The following PLAG1 variants were observed in gnomAD, a reference collection of about 807,000 sequenced individuals.
The protein encoded by PLAG1 is zinc finger protein PLAG1.
Under a neutral mutation model 35.5 loss-of-function variants are expected in PLAG1, and 7 were observed. That is an observed-to-expected ratio of 0.20 (90% CI 0.11 to 0.37). The LOEUF is 0.37. Ranked by LOEUF, PLAG1 falls within the 10% of genes least tolerant of loss-of-function variation. The pLI is 1.00. For missense variants in PLAG1, 454 were observed against 602.8 expected (o/e 0.75, Z 2.58); for synonymous variants, 229 against 225.4 (o/e 1.02, Z -0.14).
chr8:56,204,728 T>C (rs1812650596), intron 1 of PLAG1, among the ~76,000 whole-genome samples: 1 of 151,884 alleles, frequency 6.6e-6, no homozygotes, highest in Admixed American at 6.6e-5. Context: ...AATCAATATA[T>C]ATATGTGCAA....
chr8:56,190,938 A>C (rs1293372322), intron 1 of PLAG1, among the ~76,000 whole-genome samples: 2 of 152,156 alleles, frequency 1.3e-5, no homozygotes, highest in African/African-American at 4.8e-5. Flanking sequence ...ATTCCAGCAG[A>C]GGAAATAGCA....
chr8:56,198,899 AT>A (rs1227622052), intron 1 of PLAG1, among the ~76,000 whole-genome samples: 15 of 152,190 alleles, frequency 9.9e-5, no homozygotes, highest in African/African-American at 3.6e-4. Flanking sequence ...AGTACCCAGC[AT>A]GGTACTTGAC....
At position 56,185,806 on chromosome 8, in the gene PLAG1, A is replaced by G. The variant is rs1179742425; in HGVS notation, c.-321-6293T>C. ...GATAAATAGTTCTGGGATACGTTCC[A>G]TTTATCAAATACCAAAGGAAGTACC... On this transcript the variant is annotated intron_variant, in intron 1 of 4. Transcript: ENST00000316981. Among the ~76,000 whole-genome samples the G allele has an allele frequency of 2.0e-5, 3 of 152,210 alleles. No homozygotes were observed. The East Asian group carries it at 5.8e-4, about 29-fold the overall frequency.
At chr8:56,168,924 G>GA (rs780049793) in intron 3 of PLAG1, among the ~76,000 whole-genome samples, 2 of 152,162 alleles carry the variant, frequency 1.3e-5, no homozygotes, top group Non-Finnish European at 2.9e-5. Flanking sequence ...CTAGAGGCCT[G>GA]AAAGAGTTGA....
chr8:56,181,084 T>A (rs1811851495), intron 1 of PLAG1, among the ~76,000 whole-genome samples: 1 of 152,162 alleles, frequency 6.6e-6, no homozygotes, highest in South Asian at 2.1e-4. Context: ...CTGGAGAGGA[T>A]GTGGAGAAAT....
chr8:56,170,673 A>G (rs1456646008), intron 3 of PLAG1, among the ~76,000 whole-genome samples: 1 of 152,234 alleles, frequency 6.6e-6, no homozygotes, highest in Non-Finnish European at 1.5e-5. Context: ...AAATCCAACC[A>G]TAATGGGCAA....
At chr8:56,182,007 A>T (rs955900223) in intron 1 of PLAG1, among the ~76,000 whole-genome samples, 5 of 152,254 alleles carry the variant, frequency 3.3e-5, no homozygotes, top group African/African-American at 1.2e-4. Context: ...ACAGATGATT[A>T]GATTCTAAGA....
At chr8:56,192,819 G>A (rs776952733) in intron 1 of PLAG1, among the ~76,000 whole-genome samples, 22 of 152,140 alleles carry the variant, frequency 1.4e-4, no homozygotes, top group Admixed American at 5.2e-4. Flanking sequence ...ACCTTACAGA[G>A]CGTGTAAAGA....
chr8:56,170,757 C>T (rs542194690), intron 3 of PLAG1, among the ~76,000 whole-genome samples: 102 of 152,144 alleles, frequency 6.7e-4, no homozygotes, highest in African/African-American at 2.4e-3. Context: ...ATGCAATATA[C>T]AAACATTTGA....
intron 2 of PLAG1, among the ~76,000 whole-genome samples, chr8:56,174,910 A>C (rs1563377697): frequency 6.6e-6 from 1 of 152,202 alleles, no homozygotes; most frequent in Non-Finnish European, 1.5e-5. Context: ...TCATGGCAGG[A>C]TGTGCATAGG....
chr8:56,171,176 C>G lies in PLAG1; in HGVS notation c.-203G>C. 1 of 969,960 alleles carries G rather than the reference C, an allele frequency of 1.0e-6. No individual in the cohort carries two copies. Among genetic ancestry groups the G allele is most frequent in the Non-Finnish European group, 1.2e-6 (1 of 815,606 alleles). The allele number at this position is 969,960 out of a possible 1,614,324, so 60.1% of individuals were successfully genotyped here. A position where few individuals can be genotyped will look rare whatever the true frequency, so the allele number is the denominator to read the frequency against. ...GGAAGAGAGTGGAATCCAATCCTTC[C>G]CATTTTGGCCAATCTATGAAAAAAA... is the stretch of plus-strand genomic sequence containing the variant. On this transcript the variant is annotated 5_prime_UTR_variant, in exon 3 of 5. Coordinates refer to ENST00000316981, the MANE Select transcript of PLAG1 (RefSeq NM_002655.3).
At chr8:56,190,490 GA>G (rs1812150495) in intron 1 of PLAG1, among the ~76,000 whole-genome samples, 1 of 152,182 alleles carries the variant, frequency 6.6e-6, no homozygotes, top group Admixed American at 6.5e-5. Context: ...TAGTAAAATT[GA>G]AAAGAACTAT....
intron 3 of PLAG1, among the ~76,000 whole-genome samples, chr8:56,168,920 G>A (rs1424077302): frequency 1.3e-5 from 2 of 152,146 alleles, no homozygotes; most frequent in Non-Finnish European, 2.9e-5. Flanking sequence ...GACACTAGAG[G>A]CCTGAAAGAG....
chr8:56,179,290 G>A (rs1811798541), intron 2 of PLAG1, 119 bp downstream of exon 2: 1 of 154,030 alleles, frequency 6.5e-6, no homozygotes, highest in Non-Finnish European at 1.4e-5. Flanking sequence ...GATTGTAAGT[G>A]GCATGCTTAT....
intron 1 of PLAG1, among the ~76,000 whole-genome samples, chr8:56,206,585 C>T (rs1812708433): frequency 1.3e-5 from 2 of 152,048 alleles, no homozygotes; most frequent in South Asian, 4.1e-4. Context: ...TGCATGAATT[C>T]TAAAATCAGG....
Position 56,167,191 on chromosome 8 carries a change from G to T in PLAG1, c.555C>A (p.His185Gln), listed in dbSNP as rs371844674. 7 of 1,613,546 alleles carry T rather than the reference G, an allele frequency of 4.3e-6. No individual in the cohort carries two copies. The African/African-American group carries it at 9.4e-5, about 22-fold the overall frequency. Residue 185 changes from histidine to glutamine, a missense_variant, in exon 5 of 5, where the codon CAC becomes CAA. By Grantham distance (24) the His-to-Gln change is conservative (BLOSUM62 0). Coordinates refer to ENST00000316981, the MANE Select transcript of PLAG1 (RefSeq NM_002655.3). The surrounding 1 kb of genome is among the most constrained non-coding windows in gnomAD (Gnocchi z 5.9). ...ACCGGCGATCACAATGTTCGCACTGGTGCTTTTTTTCTTTAACCCCACCAG... is the reference window on the plus strand; with the variant it reads ...ACCGGCGATCACAATGTTCGCACTGTTGCTTTTTTTCTTTAACCCCACCAG... ...KSSGGVKEKK[H>Q]QCEHCDRRFY... is the part of the protein sequence containing the mutation.
chr8:56,187,636 T>C (rs1812058302), intron 1 of PLAG1, among the ~76,000 whole-genome samples: 1 of 152,168 alleles, frequency 6.6e-6, no homozygotes. Context: ...CCTGGCCTGA[T>C]ATGGATTTAA....
At position 56,165,190 on chromosome 8, in the gene PLAG1, A is replaced by G. The variant is rs979107752; in HGVS notation, c.*1053T>C. 31 of 213,372 alleles carry G rather than the reference A, an allele frequency of 1.5e-4. No homozygotes were observed. The highest frequency in any genetic ancestry group is 5.6e-4 in the African/African-American group (25 of 44,326). 13.2% of individuals were successfully genotyped at this position (213,372 alleles called of 1,614,324 possible). Reference sequence around the variant, plus strand: ...GTTTTTAACCCTGGCTACAGGGGCCATGATCCCTACACAAGTTCCCAAATG... The same window carrying G: ...GTTTTTAACCCTGGCTACAGGGGCCGTGATCCCTACACAAGTTCCCAAATG... On this transcript the variant is annotated 3_prime_UTR_variant, in exon 5 of 5. Coordinates refer to ENST00000316981, the MANE Select transcript of PLAG1 (RefSeq NM_002655.3).
intron 1 of PLAG1, among the ~76,000 whole-genome samples, chr8:56,181,909 T>A (rs1811875966): frequency 6.6e-6 from 1 of 152,070 alleles, no homozygotes; most frequent in African/African-American, 2.4e-5. Flanking sequence ...CCTTAAAAAA[T>A]GTACAATTAA....
Sources: allele counts gnomAD v4.1 joint callset (sites outside exome capture counted in the v4.1 genomes callset), GRCh38; gene constraint gnomAD v4.1.1; non-coding constraint Gnocchi (gnomAD v3.1); transcripts MANE v1.5; gene names NCBI Gene and HGNC (gene_info 2026-07-23, HGNC 2026-07-21).